The following IL10RA variants were observed in gnomAD, a reference collection of about 807,000 sequenced individuals.
IL10RA encodes the protein interleukin-10 receptor subunit alpha.
A neutral mutation model predicts 29.6 loss-of-function variants in IL10RA; 18 were observed. The ratio of observed to expected loss-of-function variants is 0.61; its 90% confidence interval spans 0.42 to 0.90. The LOEUF (loss-of-function observed/expected upper bound fraction) is 0.90. IL10RA is among the 40% of genes least tolerant of loss of function. IL10RA has a pLI of 0.00. For synonymous variants in IL10RA, 292 were observed against 294.1 expected (o/e 0.99, Z 0.07); for missense variants, 634 against 716.6 (o/e 0.88, Z 1.32).
rs1221348459 is a variant in IL10RA, at chr11:117,999,923, C to T, written c.*282C>T. 1 of 623,932 alleles carries T rather than the reference C, an allele frequency of 1.6e-6. No individual in the cohort carries two copies. The highest frequency in any genetic ancestry group is 3.0e-6 in the Non-Finnish European group (1 of 335,988). The allele number at this position is 623,932 out of a possible 1,614,324, so 38.6% of individuals were successfully genotyped here. On this transcript the variant is annotated 3_prime_UTR_variant, in exon 7 of 7. Transcript: ENST00000227752. ...GAGCTGAGAAGGGCAGGGACCTTCT[C>T]CCTCCTAGGAACTCTTTCCTGTATC...
In IL10RA at chr11:117,988,423, G is replaced by C; in HGVS notation, c.109G>C (p.Glu37Gln). Residue 37 changes from glutamate to glutamine, a missense_variant, in exon 2 of 7, where the codon GAA (glutamate) becomes CAA (glutamine). Physicochemically the swap from Glu to Gln is conservative, Grantham distance 29. Coordinates refer to ENST00000227752, the MANE Select transcript of IL10RA (RefSeq NM_001558.4). Reference sequence around the variant, plus strand: ...CCCTCCGTCTGTGTGGTTTGAAGCAGAATTTTTCCACCACATCCTCCACTG... The same window carrying C: ...CCCTCCGTCTGTGTGGTTTGAAGCACAATTTTTCCACCACATCCTCCACTG... ...PSPPSVWFEA[E>Q]FFHHILHWTP... 6.2e-7 allele frequency: 1 copy of C among 1,614,138 alleles called. No homozygotes were observed. The highest frequency in any genetic ancestry group is 1.1e-5 in the South Asian group (1 of 91,086).
chr11:117,986,405 A>G lies in IL10RA; in HGVS notation c.-63A>G, dbSNP rs2057985395. ...GCGGCGGAGCTGTCAGTCCCAGCCC[A>G]AGGGTAGCTGGAGGCGCGCAGGCCG... On this transcript the variant is annotated 5_prime_UTR_variant, in exon 1 of 7. Transcript: ENST00000227752. The G allele has an allele frequency of 6.8e-7, 1 of 1,474,910 alleles. No homozygotes were observed. The highest frequency in any genetic ancestry group is 9.2e-7 in the Non-Finnish European group (1 of 1,083,622). 91.4% of individuals were successfully genotyped at this position (1,474,910 alleles called of 1,614,324 possible). A position where few individuals can be genotyped will look rare whatever the true frequency, so the allele number is the denominator to read the frequency against.
chr11:117,994,190 G>A (rs41369849), intron 5 of IL10RA, 41 bp downstream of exon 5: 2 of 1,600,776 alleles, frequency 1.2e-6, no homozygotes, highest in South Asian at 2.2e-5. Context: ...GAGGGAGACT[G>A]GGAGGGCCTG....
chr11:117,987,958 A>G (rs1000394213), intron 1 of IL10RA: 3 of 283,750 alleles, frequency 1.1e-5, no homozygotes, highest in Non-Finnish European at 2.1e-5. Context: ...GGTGGCTTTG[A>G]GCTGGAGCCT....
chr11:117,986,950 A>G, intron 1 of IL10RA: 1 of 766,374 alleles, frequency 1.3e-6, no homozygotes, highest in Non-Finnish European at 1.9e-6. Flanking sequence ...TCCTTCTCCC[A>G]TCTCACCTTC....
At chr11:117,993,611 C>T (rs2058038464) in intron 4 of IL10RA, among the ~76,000 whole-genome samples, 1 of 152,212 alleles carries the variant, frequency 6.6e-6, no homozygotes, top group South Asian at 2.1e-4. Flanking sequence ...AAAGGAATTG[C>T]CTACTAGGGC....
chr11:117,991,728 TGA>T (rs2058023356), intron 3 of IL10RA, among the ~76,000 whole-genome samples: 1 of 152,188 alleles, frequency 6.6e-6, no homozygotes, highest in African/African-American at 2.4e-5. Flanking sequence ...TTGTCCCAAA[TGA>T]GAGTTTCCTT....
In IL10RA at chr11:117,991,990, C is replaced by A. The variant is rs186253384; in HGVS notation, c.368-1251C>A. Among the ~76,000 whole-genome samples, 685 of 152,328 alleles carry A rather than the reference C, an allele frequency of 4.5e-3. 9 individuals are homozygous for A. The highest frequency in any genetic ancestry group is 0.015 in the African/African-American group (616 of 41,576). On this transcript the variant is annotated intron_variant, in intron 3 of 6. Coordinates refer to ENST00000227752, the MANE Select transcript of IL10RA (RefSeq NM_001558.4). The stretch of plus-strand genomic sequence containing the variant: ...CCTCAAATGATCCACCCGCCTAAGC[C>A]TCCCAAAGTGCTAGGATTACAGGCG...
At chr11:117,991,621 A>C (rs1213095768) in intron 3 of IL10RA, among the ~76,000 whole-genome samples, 1 of 152,178 alleles carries the variant, frequency 6.6e-6, no homozygotes, top group Non-Finnish European at 1.5e-5. Flanking sequence ...ATTCTAAAAG[A>C]ATTCTACTTA....
Position 117,989,328 on chromosome 11 carries a change from C to A in IL10RA, c.189-114C>A. On this transcript the variant is annotated intron_variant, in intron 2 of 6. Coordinates refer to ENST00000227752, the MANE Select transcript of IL10RA (RefSeq NM_001558.4). The surrounding 1 kb of genome is among the most constrained non-coding windows in gnomAD (Gnocchi z 4.5). ...TGGACTAGAGGATATAGCCTGAGGG[C>A]TGTCCCAGTTTCTCCCAATGTGGGA... is the stretch of plus-strand genomic sequence containing the variant. 1 of 941,332 alleles carries A rather than the reference C, an allele frequency of 1.1e-6. No homozygotes were observed. The highest frequency in any genetic ancestry group is 1.7e-6 in the Non-Finnish European group (1 of 571,878). 58.3% of individuals were successfully genotyped at this position (941,332 alleles called of 1,614,324 possible). A position where few individuals can be genotyped will look rare whatever the true frequency, so the allele number is the denominator to read the frequency against.
At chr11:117,995,519 C>G in intron 5 of IL10RA, 70 bp from the exon 6 acceptor site, 1 of 1,595,970 alleles carries the variant, frequency 6.3e-7, no homozygotes, top group Non-Finnish European at 8.6e-7. Context: ...TTCATGGGAC[C>G]AGAGTCCTAT....
chr11:117,987,678 G>A lies in IL10RA; in HGVS notation c.68-704G>A, dbSNP rs1454588592. On this transcript the variant is annotated intron_variant, in intron 1 of 6. Coordinates refer to ENST00000227752, the MANE Select transcript of IL10RA (RefSeq NM_001558.4). Reference sequence around the variant, plus strand: ...CCATGGTGAATGGTGTGTACTGGGGGTAAAGGGAGAGTAGAGCTAGGAATT... The same window carrying A: ...CCATGGTGAATGGTGTGTACTGGGGATAAAGGGAGAGTAGAGCTAGGAATT... The A allele has an allele frequency of 1.9e-5, 3 of 158,148 alleles. No individual in the cohort carries two copies. The South Asian group carries it at 5.4e-4, about 28-fold the overall frequency. The allele number at this position is 158,148 out of a possible 1,614,324, so 9.8% of individuals were successfully genotyped here.
chr11:117,998,765 A>G lies in IL10RA; in HGVS notation c.861A>G (p.Pro287=), dbSNP rs143169554. 2.5e-6 allele frequency: 4 copies of G among 1,614,014 alleles called. No individual in the cohort carries two copies. The African/African-American group carries it at 4.0e-5, about 16-fold the overall frequency. The part of the protein sequence containing the change: ...PFIFISQRPS[P]ETQDTIHPLD... The stretch of plus-strand genomic sequence containing the variant: ...TCTTCATCAGCCAGCGTCCCTCCCC[A>G]GAGACCCAAGACACCATCCACCCGC... The change falls in exon 7 of 7, where the codon CCA becomes CCG. Residue 287 remains proline, a synonymous_variant. Coordinates refer to ENST00000227752, the MANE Select transcript of IL10RA (RefSeq NM_001558.4).
rs1169628998 is a variant in IL10RA, at chr11:118,001,071, C to A, written c.*1430C>A. 4 of 454,280 alleles carry A rather than the reference C, an allele frequency of 8.8e-6. No individual in the cohort carries two copies. Among genetic ancestry groups the A allele is most frequent in the African/African-American group, 6.0e-5 (3 of 50,130 alleles). 28.1% of individuals were successfully genotyped at this position (454,280 alleles called of 1,614,324 possible). On this transcript the variant is annotated 3_prime_UTR_variant, in exon 7 of 7. Transcript: ENST00000227752. ...GATATTCTGGCCCAGGGAATCCAGC[C>A]ATGACCCCCACCCCTCTGCCAAAGT...
Position 117,998,902 on chromosome 11 carries a change from C to G in IL10RA, c.998C>G (p.Pro333Arg). ...STKPSLQTEEPQFLLPDPHPQ... is the reference protein window; with the variant it reads ...STKPSLQTEERQFLLPDPHPQ... ...AAGCCATCCCTGCAGACTGAAGAGC[C>G]CCAGTTCCTCCTCCCTGACCCTCAC... Residue 333 changes from proline (P) to arginine (R), a missense_variant, in exon 7 of 7, where the codon CCC (proline) becomes CGC (arginine). Coordinates refer to ENST00000227752, the MANE Select transcript of IL10RA (RefSeq NM_001558.4). The G allele has an allele frequency of 6.2e-7, 1 of 1,614,160 alleles. No homozygotes were observed. Among genetic ancestry groups the G allele is most frequent in the Non-Finnish European group, 8.5e-7 (1 of 1,180,016 alleles).
intron 1 of IL10RA, 102 bp downstream of exon 1, chr11:117,986,636 C>T (rs2057988674): frequency 6.5e-7 from 1 of 1,540,202 alleles, no homozygotes; most frequent in African/African-American, 1.4e-5. Context: ...GGCCCTCTGG[C>T]AGAGCGGTGC....
chr11:118,000,548 C>G lies in IL10RA; in HGVS notation c.*907C>G. The stretch of plus-strand genomic sequence containing the variant: ...CCAGCTCATGCCAGCCCCAGAGGGT[C>G]AGGGTTGGAGGCCTGTGCTTGTGTT... On this transcript the variant is annotated 3_prime_UTR_variant, in exon 7 of 7. Coordinates refer to ENST00000227752, the MANE Select transcript of IL10RA (RefSeq NM_001558.4). 2.2e-6 allele frequency: 1 copy of G among 454,268 alleles called. No homozygotes were observed. The highest frequency in any genetic ancestry group is 6.9e-4 in the Middle Eastern group (1 of 1,444). The allele number at this position is 454,268 out of a possible 1,614,324, so 28.1% of individuals were successfully genotyped here.
At position 117,988,497 on chromosome 11, in the gene IL10RA, C is replaced by T; in HGVS notation, c.183C>T (p.Leu61=). The change falls in exon 2 of 7, where the codon CTC becomes CTT. Residue 61 remains leucine (L), a synonymous_variant. Transcript: ENST00000227752. The part of the protein sequence containing the change: ...QSESTCYEVA[L]LRYGIESWNS... Reference sequence around the variant, plus strand: ...AAAGTACCTGCTATGAAGTGGCGCTCCTGAGGTGAGGAAAAGGGAAGAGGG... The same window carrying T: ...AAAGTACCTGCTATGAAGTGGCGCTTCTGAGGTGAGGAAAAGGGAAGAGGG... 6.2e-7 allele frequency: 1 copy of T among 1,614,044 alleles called. No homozygotes were observed.
At position 117,994,307 on chromosome 11, in the gene IL10RA, A is replaced by T. The variant is rs2058042678; in HGVS notation, c.688+158A>T. 15 of 635,028 alleles carry T rather than the reference A, an allele frequency of 2.4e-5. No individual in the cohort carries two copies. The South Asian group carries it at 2.8e-4, about 12-fold the overall frequency. 39.3% of individuals were successfully genotyped at this position (635,028 alleles called of 1,614,324 possible). ...ATAGGAGAGAGGTCCTACTGTCCTC[A>T]TTTTAGAGATGAGGGAACTGAGGCT... On this transcript the variant is annotated intron_variant, in intron 5 of 6. Transcript: ENST00000227752.
Sources: allele counts gnomAD v4.1 joint callset (sites outside exome capture counted in the v4.1 genomes callset), GRCh38; gene constraint gnomAD v4.1.1; non-coding constraint Gnocchi (gnomAD v3.1); transcripts MANE v1.5; gene names NCBI Gene and HGNC (gene_info 2026-07-23, HGNC 2026-07-21).